TRPS1: variants seen among roughly 807,000 people sequenced by gnomAD.
TRPS1 encodes the protein zinc finger transcription factor Trps1.
In TRPS1, 6 loss-of-function variants were observed where a neutral mutation model predicts 101.2. The observed-to-expected ratio is 0.06, with a 90% CI of 0.03 to 0.12. TRPS1 has a LOEUF of 0.12. TRPS1 is among the 10% of genes least tolerant of loss of function. The probability of loss-of-function intolerance (pLI) is 1.00; values close to 1 mark genes in which losing one functional copy is unlikely to be tolerated. For synonymous variants in TRPS1, 578 were observed against 589.8 expected, an observed-to-expected ratio of 0.98 and a Z score of 0.29; for missense variants, 1,363 against 1,567.0, an observed-to-expected ratio of 0.87 and a Z score of 2.20.
At chr8:115,543,424 A>G (rs1354209974) in intron 5 of TRPS1, among the ~76,000 whole-genome samples, 1 of 152,168 alleles carries the variant, frequency 6.6e-6, no homozygotes, top group African/African-American at 2.4e-5. Flanking sequence ...AAAAGATCCA[A>G]TAATTTTTTT....
intron 2 of TRPS1, among the ~76,000 whole-genome samples, chr8:115,621,948 AAAAG>A (rs1586467178): frequency 6.6e-6 from 1 of 152,070 alleles, no homozygotes; most frequent in Non-Finnish European, 1.5e-5. Flanking sequence ...AACAAAAACA[AAAAG>A]AAAGAAAGTA....
chr8:115,571,324 T>G (rs1028274), intron 5 of TRPS1, among the ~76,000 whole-genome samples: 105,412 of 152,066 alleles, frequency 0.69, 38,013 homozygotes, highest in African/African-American at 0.9. Flanking sequence ...GCTGATTTTT[T>G]AAAAGACATT....
Position 115,535,116 on chromosome 8 carries a change from G to A in TRPS1, c.2700+51885C>T, listed in dbSNP as rs533569097. 3.1e-3 allele frequency among the ~76,000 whole-genome samples: 245 copies of A among 77,980 alleles called. 1 individual carries two copies. Among genetic ancestry groups the A allele is most frequent in the African/African-American group, 0.014 (231 of 16,280 alleles). The allele number at this position is 77,980 out of a possible 152,430, so 51.2% of individuals were successfully genotyped here. On this transcript the variant is annotated intron_variant, in intron 5 of 6. Coordinates refer to ENST00000395715, the MANE Select transcript of TRPS1 (RefSeq NM_014112.5). ...ATCGCATATGTATAGCATATATATC[G>A]CATATGTATAGCATATATATAGCAT... is the stretch of plus-strand genomic sequence containing the variant.
chr8:115,455,694 CTT>C (rs1813998287), intron 5 of TRPS1, among the ~76,000 whole-genome samples: 1 of 151,532 alleles, frequency 6.6e-6, no homozygotes, highest in Non-Finnish European at 1.5e-5. Flanking sequence ...AAACCTGGGA[CTT>C]TTTTCCTTTT....
At chr8:115,472,242 C>G (rs183691003) in intron 5 of TRPS1, among the ~76,000 whole-genome samples, 1 of 152,332 alleles carries the variant, frequency 6.6e-6, no homozygotes, top group Non-Finnish European at 1.5e-5. Flanking sequence ...GGCCAATGTT[C>G]CCAAACCTCA....
intron 5 of TRPS1, among the ~76,000 whole-genome samples, chr8:115,502,276 A>C (rs528936270): frequency 2.6e-4 from 39 of 152,286 alleles, no homozygotes; most frequent in African/African-American, 9.4e-4. Context: ...AAGATAGAGA[A>C]GGCCAACAAA....
chr8:115,651,313 T>C (rs1261651112), intron 1 of TRPS1, among the ~76,000 whole-genome samples: 1 of 152,208 alleles, frequency 6.6e-6, no homozygotes, highest in African/African-American at 2.4e-5. Context: ...GCAAGCACAC[T>C]GCAAAATACA....
chr8:115,450,301 A>G (rs2737270), intron 5 of TRPS1, among the ~76,000 whole-genome samples: 135,066 of 152,260 alleles, frequency 0.89, 60,125 homozygotes, highest in African/African-American at 0.95. Flanking sequence ...GAGATTAGAC[A>G]GTCCATACTC....
chr8:115,518,264 G>C (rs555773033), intron 5 of TRPS1, among the ~76,000 whole-genome samples: 1 of 151,674 alleles, frequency 6.6e-6, no homozygotes, highest in African/African-American at 2.4e-5. Flanking sequence ...TAAAGCTAAA[G>C]GAAACTATCC....
intron 5 of TRPS1, among the ~76,000 whole-genome samples, chr8:115,548,104 C>T (rs1816620538): frequency 6.6e-6 from 1 of 151,650 alleles, no homozygotes; most frequent in South Asian, 2.1e-4. Context: ...GTGGTTGGCG[C>T]ATGCCTCTAA....
intron 5 of TRPS1, among the ~76,000 whole-genome samples, chr8:115,550,267 A>G (rs1313528784): frequency 6.6e-6 from 1 of 152,200 alleles, no homozygotes; most frequent in African/African-American, 2.4e-5. Context: ...TTTAAAGGAA[A>G]GTAATTAAAA....
chr8:115,629,167 A>T lies in TRPS1; in HGVS notation c.-121-5409T>A, dbSNP rs147536404. On this transcript the variant is annotated intron_variant, in intron 1 of 6. Transcript: ENST00000395715. ...AGGAAAAAAACAAAAAACAAAAAAC[A>T]AAAAAAACCAGTATTCCTTCACTAA... is the stretch of plus-strand genomic sequence containing the variant. 1.6e-4 allele frequency among the ~76,000 whole-genome samples: 24 copies of T among 151,810 alleles called. No individual in the cohort carries two copies. The East Asian group carries it at 4.3e-3, about 27-fold the overall frequency.
In TRPS1 at chr8:115,475,901, C is replaced by T. The variant is rs148400065; in HGVS notation, c.2701-57449G>A. Among the ~76,000 whole-genome samples, 111 of 151,206 alleles carry T rather than the reference C, an allele frequency of 7.3e-4. No homozygotes were observed. In the East Asian group the frequency reaches 0.02, roughly 27 times the overall value. On this transcript the variant is annotated intron_variant, in intron 5 of 6. Coordinates refer to ENST00000395715, the MANE Select transcript of TRPS1 (RefSeq NM_014112.5). ...CTTGAAGTTCAATAAACTTGAAGCACAGAAAGTAAGCAACAAAGAACAAAA... is the reference window on the plus strand; with the variant it reads ...CTTGAAGTTCAATAAACTTGAAGCATAGAAAGTAAGCAACAAAGAACAAAA...
At chr8:115,558,447 G>A (rs1038264933) in intron 5 of TRPS1, among the ~76,000 whole-genome samples, 3 of 152,176 alleles carry the variant, frequency 2.0e-5, no homozygotes, top group African/African-American at 7.2e-5. Flanking sequence ...TAAAGAGGCT[G>A]AGCCACTAAG....
chr8:115,651,698 G>A (rs1811563364), intron 1 of TRPS1, among the ~76,000 whole-genome samples: 1 of 152,170 alleles, frequency 6.6e-6, no homozygotes, highest in African/African-American at 2.4e-5. Flanking sequence ...AATGAGCGGA[G>A]GTAGAGCGTT....
At chr8:115,511,455 C>G (rs1171072186) in intron 5 of TRPS1, 2 of 151,898 alleles carry the variant, frequency 1.3e-5, no homozygotes, top group Non-Finnish European at 2.9e-5. Flanking sequence ...TCCAGCACTG[C>G]CCTTTCTTGG....
chr8:115,562,702 C>A (rs1052175645), intron 5 of TRPS1, among the ~76,000 whole-genome samples: 7 of 151,556 alleles, frequency 4.6e-5, no homozygotes, highest in African/African-American at 1.5e-4. Flanking sequence ...ATAAGATGTT[C>A]TTTTTCTATT....
Position 115,448,758 on chromosome 8 carries a change from C to T in TRPS1, c.2701-30306G>A, listed in dbSNP as rs140692016. 2.5e-3 allele frequency among the ~76,000 whole-genome samples: 385 copies of T among 152,210 alleles called. 2 individuals are homozygous for T. The highest frequency in any genetic ancestry group is 8.2e-3 in the African/African-American group (341 of 41,536). ...AATTCTACTAGACAACTTTATTTTT[C>T]GGACCATCACCATTAAACAACTATA... On this transcript the variant is annotated intron_variant, in intron 5 of 6. Transcript: ENST00000395715.
Position 115,414,256 on chromosome 8 carries a change from C to A in TRPS1, c.3652G>T (p.Val1218Phe). ...GPLNVVKTEKVDRSTQDELST... is the reference protein window; with the variant it reads ...GPLNVVKTEKFDRSTQDELST... ...AGTTCATCTTGAGTACTTCTATCAA[C>A]TTTCTCTGTTTTTACTACATTCAAG... The change falls in exon 7 of 7, where the codon GTT becomes TTT. Residue 1218 changes from valine (V) to phenylalanine (F), a missense_variant. This residue lies in a region of TRPS1 where 307 missense variants were observed against 392.4 expected (regional missense o/e 0.78). Transcript: ENST00000395715. This position sits in a 1 kb window ranked among gnomAD's most constrained non-coding sequence, Gnocchi z 4.8. The A allele has an allele frequency of 6.2e-7, 1 of 1,614,028 alleles. No homozygotes were observed. The highest frequency in any genetic ancestry group is 8.5e-7 in the Non-Finnish European group (1 of 1,179,952).
Sources: gnomAD v4.1 joint callset for allele counts (sites outside exome capture counted in the v4.1 genomes callset) on GRCh38, gnomAD v4.1.1 for gene constraint, gnomAD v4.1.1 regional missense constraint, Gnocchi (gnomAD v3.1) non-coding constraint, MANE v1.5 for transcripts, NCBI Gene and HGNC (gene_info 2026-07-23, HGNC 2026-07-21) for gene names.